GNA14: variants seen among roughly 807,000 people sequenced by gnomAD.
GNA14 encodes the protein G protein subunit alpha 14.
GNA14 carries 50 observed loss-of-function variants against 42.0 expected under a neutral mutation model. That is an observed-to-expected ratio of 1.19 (90% confidence interval 0.95 to 1.51). GNA14 has a LOEUF of 1.51. Among genes scored for constraint, GNA14 ranks in the 40% most tolerant of loss-of-function variants. The pLI, the probability that GNA14 is intolerant of heterozygous loss-of-function variation, is 0.00. For synonymous variants in GNA14, 173 were observed against 163.1 expected (o/e 1.06, Z -0.46); for missense variants, 473 against 446.2 (o/e 1.06, Z -0.54).
chr9:77,625,670 C>T (rs1300242622), intron 1 of GNA14, among the ~76,000 whole-genome samples: 2 of 152,168 alleles, frequency 1.3e-5, no homozygotes, highest in African/African-American at 2.4e-5. Context: ...AAATCCTTTA[C>T]AGACAAGCAA....
intron 2 of GNA14, among the ~76,000 whole-genome samples, chr9:77,504,573 AC>A (rs1471004226): frequency 1.3e-5 from 2 of 150,382 alleles, no homozygotes; most frequent in African/African-American, 4.9e-5. Flanking sequence ...AGAGAGAGAA[AC>A]AAGTCCACAT....
At chr9:77,612,176 CAG>C (rs1170798309) in intron 1 of GNA14, among the ~76,000 whole-genome samples, 15 of 152,096 alleles carry the variant, frequency 9.9e-5, no homozygotes, top group Non-Finnish European at 1.9e-4. Flanking sequence ...AAGGGTCAAA[CAG>C]TGAGTAGCAG....
intron 2 of GNA14, 25 bp from the exon 3 acceptor site, chr9:77,434,547 C>A: frequency 6.2e-7 from 1 of 1,605,202 alleles, no homozygotes; most frequent in Non-Finnish European, 8.5e-7. Context: ...GAGAACCTTG[C>A]ATCAGGCAAA....
At chr9:77,625,859 T>A (rs947214842) in intron 1 of GNA14, among the ~76,000 whole-genome samples, 2 of 152,196 alleles carry the variant, frequency 1.3e-5, no homozygotes, top group African/African-American at 4.8e-5. Flanking sequence ...AGCATCATAA[T>A]GACAGGATAA....
At chr9:77,471,910 A>G (rs1836337236) in intron 2 of GNA14, among the ~76,000 whole-genome samples, 1 of 152,242 alleles carries the variant, frequency 6.6e-6, no homozygotes, top group African/African-American at 2.4e-5. Context: ...AATATACAAA[A>G]GATAAAATAT....
At chr9:77,643,007 C>T (rs781103897) in intron 1 of GNA14, among the ~76,000 whole-genome samples, 33 of 152,270 alleles carry the variant, frequency 2.2e-4, no homozygotes, top group South Asian at 4.1e-4. Flanking sequence ...CAGAGGCTCC[C>T]CCTTTACGCT....
intron 1 of GNA14, among the ~76,000 whole-genome samples, chr9:77,576,303 C>A (rs934849308): frequency 5.9e-5 from 9 of 152,130 alleles, no homozygotes; most frequent in African/African-American, 2.2e-4. Context: ...ATGACTTGAG[C>A]TCTTGATAAA....
chr9:77,464,351 A>G (rs558805309), intron 2 of GNA14, among the ~76,000 whole-genome samples: 3,947 of 144,778 alleles, frequency 0.027, 194 homozygotes, highest in African/African-American at 0.092. Context: ...GTGTGTGTAT[A>G]TGTGTGTGTG....
At chr9:77,477,060 T>G (rs1215078228) in intron 2 of GNA14, among the ~76,000 whole-genome samples, 1 of 152,160 alleles carries the variant, frequency 6.6e-6, no homozygotes, top group Admixed American at 6.5e-5. Context: ...AAGGTGCATT[T>G]TGAAACCAGG....
At chr9:77,467,286 T>G (rs1836252303) in intron 2 of GNA14, among the ~76,000 whole-genome samples, 1 of 152,008 alleles carries the variant, frequency 6.6e-6, no homozygotes, top group East Asian at 1.9e-4. Flanking sequence ...GAGGTCATGC[T>G]TATGCCCTTT....
chr9:77,593,462 T>C (rs1587841575), intron 1 of GNA14, among the ~76,000 whole-genome samples: 1 of 152,094 alleles, frequency 6.6e-6, no homozygotes, highest in African/African-American at 2.4e-5. Flanking sequence ...AGGCGTGCAC[T>C]ACCACGCCAG....
At chr9:77,470,074 T>C (rs960823269) in intron 2 of GNA14, among the ~76,000 whole-genome samples, 1 of 152,098 alleles carries the variant, frequency 6.6e-6, no homozygotes, top group Non-Finnish European at 1.5e-5. Context: ...AATACTTCTG[T>C]TTTGGACAGC....
intron 1 of GNA14, among the ~76,000 whole-genome samples, chr9:77,606,946 G>A (rs1823653167): frequency 1.3e-5 from 2 of 152,128 alleles, no homozygotes; most frequent in African/African-American, 2.4e-5. Context: ...TCTGCCAAGT[G>A]GGGACACAGT....
At chr9:77,599,509 C>T (rs1823519860) in intron 1 of GNA14, among the ~76,000 whole-genome samples, 2 of 152,206 alleles carry the variant, frequency 1.3e-5, no homozygotes, top group Admixed American at 1.3e-4. Context: ...AACCTTTTTC[C>T]AGTTCCCACA....
chr9:77,626,779 G>C (rs966463107), intron 1 of GNA14, among the ~76,000 whole-genome samples: 3 of 152,194 alleles, frequency 2.0e-5, no homozygotes, highest in Admixed American at 2.0e-4. Context: ...ACAGGAGAAA[G>C]TGGGAAAGAT....
At chr9:77,540,164 T>C (rs1837641109) in intron 1 of GNA14, among the ~76,000 whole-genome samples, 1 of 152,164 alleles carries the variant, frequency 6.6e-6, no homozygotes, top group Non-Finnish European at 1.5e-5. Flanking sequence ...TTTTGGTAGA[T>C]TGTGTTTCCA....
intron 1 of GNA14, among the ~76,000 whole-genome samples, chr9:77,624,957 C>T (rs969661342): frequency 1.3e-4 from 20 of 151,698 alleles, no homozygotes; most frequent in Admixed American, 1.3e-4. Flanking sequence ...CAAACTCCTC[C>T]GAGCTAAAAG....
At chr9:77,566,125 GTC>G (rs1822963992) in intron 1 of GNA14, among the ~76,000 whole-genome samples, 1 of 146,270 alleles carries the variant, frequency 6.8e-6, no homozygotes, top group African/African-American at 2.5e-5. Context: ...ATAAATCCTT[GTC>G]CACAAGTGGG....
intron 2 of GNA14, among the ~76,000 whole-genome samples, chr9:77,510,425 T>A (rs1837144010): frequency 6.6e-6 from 1 of 152,194 alleles, no homozygotes. Context: ...AACCTCCACC[T>A]CCTGGGTTCA....
Sources: gnomAD v4.1 joint callset for allele counts (sites outside exome capture counted in the v4.1 genomes callset) on GRCh38, gnomAD v4.1.1 for gene constraint, MANE v1.5 for transcripts, NCBI Gene and HGNC (gene_info 2026-07-23, HGNC 2026-07-21) for gene names.